Variants in MIAT observed in about 807,000 individuals in gnomAD.
MIAT encodes myocardial infarction associated transcript, also known as MI related novel mRNA.
chr22:26,673,735 CG>C (rs1931157305), downstream of MIAT: 1 of 398,622 alleles, frequency 2.5e-6, no homozygotes, highest in East Asian at 3.6e-5. Context: ...CAATTTTGGG[CG>C]TGGTGGCTGC....
At chr22:26,661,917 CATATATATATATATATATATATAT>C (rs58654108) in intron 2 of MIAT, among the ~76,000 whole-genome samples, 995 of 80,592 alleles carry the variant, frequency 0.012, 30 homozygotes, top group Middle Eastern at 0.024. Context: ...TATATAGATC[CATATATATATATATATATATATAT>C]ATATATATAT....
At chr22:26,668,349 T>A in exon 6 of MIAT, 1 of 398,696 alleles carries the variant, frequency 2.5e-6, no homozygotes, top group Non-Finnish European at 4.4e-6. Flanking sequence ...TAGGAACTCT[T>A]CCTGGTTGAT....
At chr22:26,655,558 G>A (rs1271284656) in intron 2 of MIAT, among the ~76,000 whole-genome samples, 1 of 152,224 alleles carries the variant, frequency 6.6e-6, no homozygotes, top group East Asian at 1.9e-4. Flanking sequence ...CATTTAGCCT[G>A]ATGATGTGGA....
exon 4 of MIAT, chr22:26,666,929 T>G (rs1930867847): frequency 5.5e-6 from 1 of 181,344 alleles, no homozygotes; most frequent in Admixed American, 6.5e-5. Context: ...GTCGGCTGGA[T>G]GCTGCCAGGT....
exon 6 of MIAT, chr22:26,668,912 A>G (rs1298832549): frequency 1.0e-5 from 4 of 398,492 alleles, no homozygotes; most frequent in Non-Finnish European, 1.8e-5. Flanking sequence ...GGTCTTTAAG[A>G]GATAAGATTT....
chr22:26,651,395 C>G (rs752164595), intron 2 of MIAT, among the ~76,000 whole-genome samples: 4 of 152,146 alleles, frequency 2.6e-5, no homozygotes, highest in Non-Finnish European at 4.4e-5. Flanking sequence ...GCCCTTCCTC[C>G]AAGGGCTACA....
chr22:26,662,663 C>T (rs1296573629), intron 2 of MIAT, among the ~76,000 whole-genome samples: 1 of 152,220 alleles, frequency 6.6e-6, no homozygotes, highest in Non-Finnish European at 1.5e-5. Flanking sequence ...TCTGGAGCTT[C>T]CGTTATCTCT....
exon 5 of MIAT, chr22:26,674,671 A>G (rs1931195559): frequency 2.5e-6 from 1 of 398,528 alleles, no homozygotes; most frequent in Non-Finnish European, 4.4e-6. Flanking sequence ...AGCTTTGAGA[A>G]CATGCCTTGG....
At chr22:26,648,910 G>A (rs543243650) in intron 2 of MIAT, among the ~76,000 whole-genome samples, 1 of 141,606 alleles carries the variant, frequency 7.1e-6, no homozygotes, top group African/African-American at 2.8e-5. Flanking sequence ...AGAGTGAGAG[G>A]GAGAGAGCGA....
chr22:26,654,255 C>T (rs912953157), intron 2 of MIAT, among the ~76,000 whole-genome samples: 3 of 152,132 alleles, frequency 2.0e-5, no homozygotes, highest in Non-Finnish European at 4.4e-5. Flanking sequence ...ATCTCTAGAA[C>T]CAAAGATACT....
At chr22:26,669,364 C>G (rs1036601869) in exon 6 of MIAT, 2 of 398,576 alleles carry the variant, frequency 5.0e-6, no homozygotes, top group Non-Finnish European at 8.8e-6. Context: ...GGTGTTAAGA[C>G]TTGGTTTCTG....
intron 2 of MIAT, among the ~76,000 whole-genome samples, chr22:26,662,122 A>G (rs1019920619): frequency 2.6e-5 from 4 of 151,480 alleles, no homozygotes; most frequent in Non-Finnish European, 5.9e-5. Flanking sequence ...ACGCCCAGCT[A>G]ATTTTTGAAT....
At chr22:26,651,332 A>G (rs1447656085) in intron 2 of MIAT, among the ~76,000 whole-genome samples, 1 of 152,234 alleles carries the variant, frequency 6.6e-6, no homozygotes, top group Non-Finnish European at 1.5e-5. Context: ...CTGATGGACC[A>G]GTCTCCATCA....
At chr22:26,649,499 G>A (rs891200940) in intron 2 of MIAT, among the ~76,000 whole-genome samples, 1 of 152,212 alleles carries the variant, frequency 6.6e-6, no homozygotes, top group Non-Finnish European at 1.5e-5. Flanking sequence ...AGACAACAGT[G>A]CCCAGCTCAT....
chr22:26,671,493 C>T, downstream of MIAT: 1 of 398,776 alleles, frequency 2.5e-6, no homozygotes, highest in South Asian at 1.3e-4. Context: ...AACTAACCCA[C>T]TAACCAGGCC....
chr22:26,674,788 TC>T, exon 5 of MIAT: 2 of 398,658 alleles, frequency 5.0e-6, no homozygotes, highest in Non-Finnish European at 8.8e-6. Context: ...AGCTCACACC[TC>T]CTATTCCTGA....
downstream of MIAT, chr22:26,672,827 T>G: frequency 2.5e-6 from 1 of 398,478 alleles, no homozygotes; most frequent in Non-Finnish European, 4.4e-6. Context: ...GAGTATTTAG[T>G]ACACAGGAAG....
At chr22:26,673,177 G>A, downstream of MIAT, 1 of 398,652 alleles carries the variant, frequency 2.5e-6, no homozygotes, top group Non-Finnish European at 4.4e-6. Flanking sequence ...CAGGGTTCCC[G>A]CAGATGCTCA....
chr22:26,662,407 C>T lies in MIAT; in HGVS notation n.647-909C>T, dbSNP rs188355316. Reference sequence around the variant, plus strand: ...GCTTGTTTTGCCATGTAGATAAAGACACTCCCAATTAGCATCTGTTCTTAA... The same window carrying T: ...GCTTGTTTTGCCATGTAGATAAAGATACTCCCAATTAGCATCTGTTCTTAA... On this transcript the variant is annotated intron_variant and non_coding_transcript_variant, in intron 2 of 5. Coordinates refer to ENST00000643270, the Ensembl canonical transcript of MIAT. Among the ~76,000 whole-genome samples, 304 of 152,284 alleles carry T rather than the reference C, an allele frequency of 2.0e-3. 3 individuals carry two copies. Among genetic ancestry groups the T allele is most frequent in the South Asian group, 0.016 (78 of 4,824 alleles).
Sources: gnomAD v4.1 joint callset for allele counts (sites outside exome capture counted in the v4.1 genomes callset) on GRCh38, gnomAD v4.1.1 for gene constraint, MANE v1.5 for transcripts, NCBI Gene and HGNC (gene_info 2026-07-23, HGNC 2026-07-21) for gene names.